INTS12: variants seen among roughly 807,000 people sequenced by gnomAD.
INTS12 encodes the protein PHD finger protein 22.
INTS12 carries 13 observed loss-of-function variants against 41.6 expected under a neutral mutation model. That is an observed-to-expected ratio of 0.31 (90% CI 0.20 to 0.50). INTS12 has a LOEUF of 0.50. Ranked by LOEUF, INTS12 falls within the 20% of genes least tolerant of loss-of-function variation. INTS12 has a pLI of 0.98. For synonymous variants in INTS12, 199 were observed against 191.4 expected (o/e 1.04, Z -0.33); for missense variants, 432 against 541.6 (o/e 0.80, Z 2.01).
chr4:105,697,050 T>C (rs1053685592), intron 3 of INTS12, among the ~76,000 whole-genome samples: 2 of 152,250 alleles, frequency 1.3e-5, no homozygotes, highest in African/African-American at 4.8e-5. Flanking sequence ...TGAATCTGTT[T>C]GTTTTATTAC....
Position 105,683,037 on chromosome 4 carries a change from G to A in INTS12, c.1085C>T (p.Pro362Leu), listed in dbSNP as rs780496601. The change falls in exon 8 of 8, where the codon CCA (proline) becomes CTA (leucine). Residue 362 changes from proline (P) to leucine (L), a missense_variant. Pro to Leu is a moderately conservative substitution (Grantham distance 98). Coordinates refer to ENST00000340139, the MANE Select transcript of INTS12 (RefSeq NM_020395.4). ...NSTTPTVPLKPPPPLTLGKTG... is the reference protein window; with the variant it reads ...NSTTPTVPLKLPPPLTLGKTG... Reference sequence around the variant, plus strand: ...TTTACCCAAGGTTAGAGGTGGAGGTGGTTTTAAAGGTACAGTGGGCGTAGT... The same window carrying A: ...TTTACCCAAGGTTAGAGGTGGAGGTAGTTTTAAAGGTACAGTGGGCGTAGT... 5 of 1,613,970 alleles carry A rather than the reference G, an allele frequency of 3.1e-6. No homozygotes were observed. Among genetic ancestry groups the A allele is most frequent in the African/African-American group, 2.7e-5 (2 of 74,894 alleles).
chr4:105,698,554 A>ATT (rs5860807), intron 3 of INTS12, among the ~76,000 whole-genome samples: 3 of 151,890 alleles, frequency 2.0e-5, no homozygotes, highest in African/African-American at 2.4e-5. Flanking sequence ...CATTAAAACA[A>ATT]TTTTTTTTCT....
intron 7 of INTS12, among the ~76,000 whole-genome samples, chr4:105,685,961 A>G (rs1331248189): frequency 6.6e-6 from 1 of 152,104 alleles, no homozygotes; most frequent in Non-Finnish European, 1.5e-5. Context: ...TCAACAGCCA[A>G]TAAGAAGGGA....
At chr4:105,696,079 G>A (rs1017982600) in intron 3 of INTS12, among the ~76,000 whole-genome samples, 1 of 152,046 alleles carries the variant, frequency 6.6e-6, no homozygotes, top group African/African-American at 2.4e-5. Context: ...CTCAAACTCC[G>A]GCCTCAAATG....
intron 1 of INTS12, among the ~76,000 whole-genome samples, chr4:105,704,194 T>C (rs1008213153): frequency 5.9e-5 from 9 of 152,230 alleles, no homozygotes. Context: ...TGTCCCACTA[T>C]TCCATGAAAA....
At chr4:105,705,154 C>G (rs561906394) in intron 1 of INTS12, among the ~76,000 whole-genome samples, 6 of 152,164 alleles carry the variant, frequency 3.9e-5, no homozygotes, top group Admixed American at 2.6e-4. Flanking sequence ...GTATTTACAG[C>G]CACTCCCATC....
At chr4:105,692,419 C>T (rs1046205582) in intron 5 of INTS12, among the ~76,000 whole-genome samples, 7 of 145,988 alleles carry the variant, frequency 4.8e-5, no homozygotes, top group African/African-American at 7.7e-5. Context: ...AGGAGATGGA[C>T]GCTGCAGTGA....
chr4:105,704,669 G>A (rs1732202975), intron 1 of INTS12, among the ~76,000 whole-genome samples: 2 of 152,156 alleles, frequency 1.3e-5, no homozygotes, highest in African/African-American at 4.8e-5. Context: ...CCTATGCAAC[G>A]TGTCTCCAAC....
chr4:105,691,858 A>AAT, intron 6 of INTS12, 118 bp downstream of exon 6: 7 of 705,100 alleles, frequency 9.9e-6, no homozygotes, highest in Non-Finnish European at 1.3e-5. Flanking sequence ...ATAAATAAAT[A>AAT]ATCAGCTTAT....
chr4:105,691,062 C>T (rs1731665954), intron 6 of INTS12, among the ~76,000 whole-genome samples: 2 of 152,268 alleles, frequency 1.3e-5, no homozygotes, highest in African/African-American at 4.8e-5. Context: ...TAAATAAAAA[C>T]ACTTCCTATT....
chr4:105,708,158 G>A, intron 1 of INTS12: 2 of 985,340 alleles, frequency 2.0e-6, no homozygotes, highest in Non-Finnish European at 2.4e-6. Flanking sequence ...ATACCTTAGG[G>A]ACACCTGGAA....
At chr4:105,686,137 A>T (rs952463037) in intron 7 of INTS12, among the ~76,000 whole-genome samples, 2 of 152,158 alleles carry the variant, frequency 1.3e-5, no homozygotes, top group African/African-American at 4.8e-5. Flanking sequence ...ATCTCAGCTC[A>T]CTGCAAACTT....
intron 3 of INTS12, among the ~76,000 whole-genome samples, chr4:105,699,105 C>T (rs771402540): frequency 3.3e-5 from 5 of 152,204 alleles, no homozygotes; most frequent in Non-Finnish European, 5.9e-5. Flanking sequence ...TCTTATTATC[C>T]CCATTTTACC....
intron 1 of INTS12, chr4:105,707,870 TATATAA>T (rs1363690681): frequency 2.8e-6 from 2 of 704,948 alleles, no homozygotes; most frequent in African/African-American, 1.9e-5. Context: ...TGGGCATTCA[TATATAA>T]ATATAAGTAT....
chr4:105,691,967 G>T lies in INTS12; in HGVS notation c.657+9C>A. 6.6e-7 allele frequency: 1 copy of T among 1,504,904 alleles called. No individual in the cohort carries two copies. Among genetic ancestry groups the T allele is most frequent in the Non-Finnish European group, 8.9e-7 (1 of 1,126,202 alleles). The allele number at this position is 1,504,904 out of a possible 1,614,324, so 93.2% of individuals were successfully genotyped here. A position where few individuals can be genotyped will look rare whatever the true frequency, so the allele number is the denominator to read the frequency against. On this transcript the variant is annotated intron_variant, in intron 6 of 7. Coordinates refer to ENST00000340139, the MANE Select transcript of INTS12 (RefSeq NM_020395.4). ...GACTGTTTAAAATAAAGAAAAATAT[G>T]ATTCCTACCATTCTTTTCATTTGTC...
chr4:105,702,917 A>C (rs958579251), intron 2 of INTS12: 20 of 984,632 alleles, frequency 2.0e-5, no homozygotes, highest in Non-Finnish European at 2.2e-5. Context: ...GCCTTCTCTA[A>C]TCTCTGTTAC....
intron 4 of INTS12, among the ~76,000 whole-genome samples, chr4:105,694,721 T>C (rs1352843703): frequency 1.3e-5 from 2 of 152,182 alleles, no homozygotes; most frequent in Non-Finnish European, 2.9e-5. Context: ...TACGGGATAA[T>C]ATACTCCATC....
intron 3 of INTS12, among the ~76,000 whole-genome samples, chr4:105,697,510 G>A (rs1296038875): frequency 6.6e-6 from 1 of 152,044 alleles, no homozygotes; most frequent in Non-Finnish European, 1.5e-5. Context: ...TAGACAACGG[G>A]TTAGCAAACT....
At chr4:105,703,943 CA>C (rs965329495) in intron 1 of INTS12, 134 bp from the exon 2 acceptor site, 10 of 152,076 alleles carry the variant, frequency 6.6e-5, no homozygotes, top group African/African-American at 2.4e-4. Context: ...TATGTAGTGT[CA>C]CCTGGATCTG....
Sources: gnomAD v4.1 joint callset for allele counts (sites outside exome capture counted in the v4.1 genomes callset) on GRCh38, gnomAD v4.1.1 for gene constraint, MANE v1.5 for transcripts, NCBI Gene and HGNC (gene_info 2026-07-23, HGNC 2026-07-21) for gene names.